USP48: variants seen among roughly 807,000 people sequenced by gnomAD.
USP48 encodes ubiquitin carboxyl-terminal hydrolase 48.
A neutral mutation model predicts 150.7 loss-of-function variants in USP48; 43 were observed. That is an observed-to-expected ratio of 0.29 (90% CI 0.22 to 0.37). The LOEUF is 0.37. USP48 is among the 10% of genes least tolerant of loss of function. USP48 has a pLI of 1.00. For missense variants in USP48, 813 were observed against 1,249.6 expected, an observed-to-expected ratio of 0.65 and a Z score of 5.27; for synonymous variants, 396 against 425.9, an observed-to-expected ratio of 0.93 and a Z score of 0.86.
intron 8 of USP48, among the ~76,000 whole-genome samples, chr1:21,737,811 A>T (rs1408009952): frequency 6.6e-6 from 1 of 152,204 alleles, no homozygotes; most frequent in African/African-American, 2.4e-5. Flanking sequence ...ACATTAATGA[A>T]CACTTATTTA....
At chr1:21,691,623 A>C (rs1050756890) in intron 23 of USP48, among the ~76,000 whole-genome samples, 4 of 152,346 alleles carry the variant, frequency 2.6e-5, no homozygotes, top group Admixed American at 1.3e-4. Context: ...CGAAAGAGCA[A>C]GACACTATCT....
chr1:21,683,444 G>A (rs1205610511), intron 25 of USP48, among the ~76,000 whole-genome samples: 1 of 151,922 alleles, frequency 6.6e-6, no homozygotes, highest in Non-Finnish European at 1.5e-5. Flanking sequence ...GAGTGTAGTG[G>A]CATGATGACA....
At position 21,686,960 on chromosome 1, in the gene USP48, C is replaced by T. The variant is rs757912704; in HGVS notation, c.3058+231G>A. 97 of 538,154 alleles carry T rather than the reference C, an allele frequency of 1.8e-4. 1 individual carries two copies. Among genetic ancestry groups the T allele is most frequent in the Non-Finnish European group, 2.7e-4 (81 of 304,980 alleles). 33.3% of individuals were successfully genotyped at this position (538,154 alleles called of 1,614,324 possible). A position where few individuals can be genotyped will look rare whatever the true frequency, so the allele number is the denominator to read the frequency against. ...TTTTGCTTCTTGTTGACCTCCTCCA[C>T]AGGCAGAGCTCACATTTATTTCAGT... is the stretch of plus-strand genomic sequence containing the variant. On this transcript the variant is annotated intron_variant, in intron 25 of 26. Coordinates refer to ENST00000308271, the MANE Select transcript of USP48 (RefSeq NM_032236.8).
chr1:21,698,712 G>A (rs2097645400), intron 22 of USP48, among the ~76,000 whole-genome samples: 1 of 152,126 alleles, frequency 6.6e-6, no homozygotes, highest in Non-Finnish European at 1.5e-5. Context: ...GGATATCACG[G>A]TGAAACCCCG....
intron 9 of USP48, among the ~76,000 whole-genome samples, chr1:21,731,316 T>A (rs2097756187): frequency 6.6e-6 from 1 of 151,880 alleles, no homozygotes. Flanking sequence ...CAGGCTGGAG[T>A]GGAATGGCAC....
At chr1:21,755,986 A>G (rs2097832529) in intron 3 of USP48, among the ~76,000 whole-genome samples, 2 of 151,656 alleles carry the variant, frequency 1.3e-5, no homozygotes, top group Non-Finnish European at 2.9e-5. Flanking sequence ...ACCAACATGG[A>G]GAAACCCCGT....
chr1:21,733,774 T>C (rs12027428), intron 9 of USP48, among the ~76,000 whole-genome samples: 111,711 of 151,900 alleles, frequency 0.74, 41,583 homozygotes, highest in Admixed American at 0.81. Flanking sequence ...ACATAATTTT[T>C]CACAATTTAA....
At chr1:21,765,785 C>G (rs76948744) in intron 1 of USP48, among the ~76,000 whole-genome samples, 10,730 of 151,084 alleles carry the variant, frequency 0.071, 459 homozygotes, top group Middle Eastern at 0.11. Context: ...CTTTGGAAGG[C>G]TGAGGTGAGT....
chr1:21,732,947 G>A (rs540100879), intron 9 of USP48: 182 of 154,412 alleles, frequency 1.2e-3, no homozygotes, highest in Non-Finnish European at 2.2e-3. Context: ...AATGTGCAAA[G>A]AAAAAAAAAG....
At chr1:21,700,353 C>T (rs748331147) in intron 22 of USP48, among the ~76,000 whole-genome samples, 27 of 152,092 alleles carry the variant, frequency 1.8e-4, no homozygotes, top group Non-Finnish European at 2.9e-4. Context: ...CAATAAGCCA[C>T]GGAAAACAAA....
chr1:21,749,303 T>C (rs760220274), intron 6 of USP48, among the ~76,000 whole-genome samples: 12 of 152,224 alleles, frequency 7.9e-5, no homozygotes, highest in Non-Finnish European at 1.3e-4. Flanking sequence ...CTGTGCCAGC[T>C]GCTCCTACCT....
intron 1 of USP48, among the ~76,000 whole-genome samples, chr1:21,780,036 G>A (rs892445607): frequency 6.6e-6 from 1 of 152,188 alleles, no homozygotes; most frequent in Non-Finnish European, 1.5e-5. Flanking sequence ...AGAATTGACT[G>A]TGTATGACCC....
intron 8 of USP48, among the ~76,000 whole-genome samples, chr1:21,737,902 T>C (rs1476554718): frequency 1.3e-5 from 2 of 152,064 alleles, no homozygotes; most frequent in Non-Finnish European, 2.9e-5. Flanking sequence ...TTTGACAATT[T>C]TTTTTTTTTT....
intron 15 of USP48, among the ~76,000 whole-genome samples, chr1:21,707,415 C>CAGA (rs1268822508): frequency 2.0e-4 from 30 of 152,218 alleles, no homozygotes; most frequent in African/African-American, 7.2e-4. Context: ...TCAATTCAAA[C>CAGA]AGAAGATAAA....
Position 21,679,119 on chromosome 1 carries a change from G to T in USP48, c.*298C>A. 2.1e-6 allele frequency: 1 copy of T among 482,098 alleles called. No individual in the cohort carries two copies. The allele number at this position is 482,098 out of a possible 1,614,324, so 29.9% of individuals were successfully genotyped here. On this transcript the variant is annotated 3_prime_UTR_variant, in exon 27 of 27. Transcript: ENST00000308271. ...CCTCCCACGACTATAAATCTCATAT[G>T]TAAACATGATTTACTATTACTGCTA... is the stretch of plus-strand genomic sequence containing the variant.
At chr1:21,728,300 T>C (rs1227622847) in intron 11 of USP48, 16 of 1,153,760 alleles carry the variant, frequency 1.4e-5, no homozygotes, top group Non-Finnish European at 1.7e-5. Flanking sequence ...AAAATATAAA[T>C]ATCTACAATA....
intron 14 of USP48, 54 bp from the exon 15 acceptor site, chr1:21,715,511 T>G (rs1413888266): frequency 8.2e-7 from 1 of 1,226,556 alleles, no homozygotes; most frequent in African/African-American, 1.5e-5. Flanking sequence ...TACTTAAAGT[T>G]GAAAGTAGCA....
intron 17 of USP48, 84 bp from the exon 18 acceptor site, chr1:21,706,271 T>C (rs943731683): frequency 3.3e-6 from 5 of 1,526,130 alleles, no homozygotes; most frequent in Admixed American, 2.0e-5. Flanking sequence ...TTGGTTGTCC[T>C]TATTCAAGTT....
chr1:21,682,670 T>C (rs1023915288), intron 25 of USP48, among the ~76,000 whole-genome samples: 7 of 150,970 alleles, frequency 4.6e-5, no homozygotes, highest in Non-Finnish European at 1.0e-4. Flanking sequence ...AGGTCACGAG[T>C]TCCAGAGCAG....
Sources: gnomAD v4.1 joint callset for allele counts (sites outside exome capture counted in the v4.1 genomes callset) on GRCh38, gnomAD v4.1.1 for gene constraint, MANE v1.5 for transcripts, NCBI Gene and HGNC (gene_info 2026-07-23, HGNC 2026-07-21) for gene names.